Variants in VAV2 observed in about 807,000 individuals in gnomAD.
The protein encoded by VAV2 is guanine nucleotide exchange factor VAV2.
VAV2 carries 67 observed loss-of-function variants against 132.5 expected under a neutral mutation model. The observed-to-expected ratio is 0.51, with a 90% CI of 0.42 to 0.62. VAV2 has a LOEUF of 0.62. Among genes scored for constraint, VAV2 ranks in the 20% least tolerant of loss-of-function variants. The pLI is 0.00. For missense variants in VAV2, 938 were observed against 1,153.6 expected (o/e 0.81, Z 2.71); for synonymous variants, 492 against 443.5 (o/e 1.11, Z -1.37).
chr9:133,848,598 T>C (rs1837042680), intron 3 of VAV2, among the ~76,000 whole-genome samples: 1 of 152,278 alleles, frequency 6.6e-6, no homozygotes, highest in Non-Finnish European at 1.5e-5. Flanking sequence ...CCAGGGTTCC[T>C]TCCTCTCTTG....
intron 2 of VAV2, among the ~76,000 whole-genome samples, chr9:133,936,682 G>A (rs2810522): frequency 0.49 from 74,281 of 152,048 alleles, 18,249 homozygotes; most frequent in East Asian, 0.64. Context: ...AACACCTCCT[G>A]TGGACCTCAT....
intron 5 of VAV2, among the ~76,000 whole-genome samples, chr9:133,810,747 A>G (rs1269823576): frequency 1.3e-5 from 2 of 149,518 alleles, no homozygotes; most frequent in Non-Finnish European, 3.0e-5. Flanking sequence ...TGAGACCTTC[A>G]GAACCAGGGA....
chr9:133,770,843 G>A (rs1046500290), intron 26 of VAV2, among the ~76,000 whole-genome samples: 7 of 152,208 alleles, frequency 4.6e-5, no homozygotes, highest in Non-Finnish European at 7.3e-5. Context: ...AAGTGACAGA[G>A]AGCCATGCGG....
In VAV2 at chr9:133,861,421, C is replaced by T. The variant is rs550293191; in HGVS notation, c.333G>A (p.Ala111=). The T allele has an allele frequency of 1.7e-4, 270 of 1,613,298 alleles. No homozygotes were observed. Among genetic ancestry groups the T allele is most frequent in the Middle Eastern group, 4.9e-4 (3 of 6,062 alleles). ...TGCTGTGCAGGGAGAGCCTCGACAC[C>T]GCGGAGATGACCTGGGGGAGACAAG... is the stretch of plus-strand genomic sequence containing the variant. ...DVRDFGKVIS[A]VSRLSLHSIA... is the part of the protein sequence containing the mutation. Residue 111 remains alanine (A), a synonymous_variant, in exon 3 of 30, where the codon GCG becomes GCA. Transcript: ENST00000371850.
At chr9:133,938,307 C>T (rs1841000237) in intron 2 of VAV2, among the ~76,000 whole-genome samples, 1 of 152,226 alleles carries the variant, frequency 6.6e-6, no homozygotes, top group African/African-American at 2.4e-5. Flanking sequence ...GGCGTCCAGC[C>T]CCGAATCCAT....
chr9:133,796,358 CT>C (rs1834712583), intron 11 of VAV2, 70 bp downstream of exon 11: 6 of 1,384,270 alleles, frequency 4.3e-6, no homozygotes, highest in Non-Finnish European at 6.0e-6. Context: ...CCTATACCCC[CT>C]GGAAGCTGCC....
intron 4 of VAV2, among the ~76,000 whole-genome samples, chr9:133,821,973 C>T (rs1192112460): frequency 1.3e-5 from 2 of 152,132 alleles, no homozygotes; most frequent in African/African-American, 4.8e-5. Flanking sequence ...TATTTTTGTC[C>T]TCACAATAGC....
intron 1 of VAV2, among the ~76,000 whole-genome samples, chr9:133,959,547 C>T (rs866538457): frequency 6.6e-6 from 1 of 152,216 alleles, no homozygotes; most frequent in Admixed American, 6.5e-5. Flanking sequence ...GCACCAAGCA[C>T]CCCGTGACCG....
At chr9:133,906,425 C>A (rs994496506) in intron 2 of VAV2, among the ~76,000 whole-genome samples, 1 of 152,210 alleles carries the variant, frequency 6.6e-6, no homozygotes. Context: ...CGGGGAGCCG[C>A]CCCCGCCCTG....
At position 133,810,327 on chromosome 9, in the gene VAV2, A is replaced by T. The variant is rs1835312554; in HGVS notation, c.553-122T>A. On this transcript the variant is annotated intron_variant, in intron 5 of 29. Transcript: ENST00000371850. Reference sequence around the variant, plus strand: ...AACCAGCCAACAGACCCAAAGCCACATCACGGCCCCTCGTGCTGCCCAGCT... The same window carrying T: ...AACCAGCCAACAGACCCAAAGCCACTTCACGGCCCCTCGTGCTGCCCAGCT... 7.4e-6 allele frequency: 11 copies of T among 1,490,072 alleles called. No individual in the cohort carries two copies. In the South Asian group the frequency reaches 8.4e-5, roughly 11 times the overall value. The allele number at this position is 1,490,072 out of a possible 1,614,324, so 92.3% of individuals were successfully genotyped here.
chr9:133,933,048 A>AAG (rs1187826721), intron 2 of VAV2, among the ~76,000 whole-genome samples: 3 of 152,276 alleles, frequency 2.0e-5, no homozygotes, highest in Non-Finnish European at 4.4e-5. Flanking sequence ...AGTGAGGGCC[A>AAG]TGAGCAGGGA....
intron 2 of VAV2, among the ~76,000 whole-genome samples, chr9:133,873,281 A>C (rs958885410): frequency 4.6e-5 from 7 of 152,298 alleles, no homozygotes; most frequent in Non-Finnish European, 8.8e-5. Flanking sequence ...CAGAGCTGGG[A>C]TCAAGTCCTA....
At chr9:133,836,151 G>A (rs936895124) in intron 3 of VAV2, among the ~76,000 whole-genome samples, 18 of 152,156 alleles carry the variant, frequency 1.2e-4, no homozygotes, top group African/African-American at 2.7e-4. Flanking sequence ...GCCCCATGCC[G>A]ACACAGATCC....
At position 133,984,530 on chromosome 9, in the gene VAV2, T is replaced by G. The variant is rs146635747; in HGVS notation, c.204+7545A>C. Among the ~76,000 whole-genome samples the G allele has an allele frequency of 1.8e-4, 28 of 152,270 alleles. No individual in the cohort carries two copies. In the East Asian group the frequency reaches 5.4e-3, roughly 29 times the overall value. On this transcript the variant is annotated intron_variant, in intron 1 of 29. Transcript: ENST00000371850. ...TGGGAGGCTGTAGTGAAAGGATCCC[T>G]TGAGCCCAGGAGTTTAAGGCTGCAG...
chr9:133,926,063 A>C lies in VAV2; in HGVS notation c.321+13040T>G, dbSNP rs1840470193. The C allele has an allele frequency of 6.6e-6, 1 of 151,688 alleles. No homozygotes were observed. The highest frequency in any genetic ancestry group is 1.5e-5 in the Non-Finnish European group (1 of 67,962). The allele number at this position is 151,688 out of a possible 1,614,324, so 9.4% of individuals were successfully genotyped here. A position where few individuals can be genotyped will look rare whatever the true frequency, so the allele number is the denominator to read the frequency against. ...AGTTGCACCAGGACCAGCTAAGAAA[A>C]TGCAAGCTCTCAGCCAACGGGGTGG... On this transcript the variant is annotated intron_variant, in intron 2 of 29. Coordinates refer to ENST00000371850, the MANE Select transcript of VAV2 (RefSeq NM_001134398.2). The surrounding 1 kb of genome is among the most constrained non-coding windows in gnomAD (Gnocchi z 4.3).
rs2131746324 is a variant in VAV2 at position 133,826,026 on chromosome 9, T to C, written c.449+8246A>G. Among the ~76,000 whole-genome samples, 1 of 152,356 alleles carries C rather than the reference T, an allele frequency of 6.6e-6. No individual in the cohort carries two copies. Among genetic ancestry groups the C allele is most frequent in the Admixed American group, 6.5e-5 (1 of 15,308 alleles). On this transcript the variant is annotated intron_variant, in intron 4 of 29. Coordinates refer to ENST00000371850, the MANE Select transcript of VAV2 (RefSeq NM_001134398.2). The surrounding 1 kb of genome is among the most constrained non-coding windows in gnomAD (Gnocchi z 4.2). ...CGCGGATACATTACATTCCCTGCCG[T>C]GTCACGATCACATTTGTTTAAGCCT... is the stretch of plus-strand genomic sequence containing the variant.
chr9:133,854,110 T>TACCCCTTGCACCTGCACACACAC (rs534325438), intron 3 of VAV2, among the ~76,000 whole-genome samples: 4 of 119,452 alleles, frequency 3.3e-5, no homozygotes, highest in South Asian at 6.0e-4. Flanking sequence ...TGCACACACA[T>TACCCCTTGCACCTGCACACACAC]ACCCCTTGCA....
intron 1 of VAV2, among the ~76,000 whole-genome samples, chr9:133,964,895 T>G (rs1842095682): frequency 6.6e-6 from 1 of 152,220 alleles, no homozygotes; most frequent in Non-Finnish European, 1.5e-5. Context: ...GAAAGCTTTT[T>G]CTCTAAGAAC....
chr9:133,961,216 C>T lies in VAV2; in HGVS notation c.205-21997G>A, dbSNP rs555491025. The stretch of plus-strand genomic sequence containing the variant: ...CACTGCAGTCCAACAGAATAGTCAA[C>T]CTTTTGATCTCAGAGGAGTGTCCAT... On this transcript the variant is annotated intron_variant, in intron 1 of 29. Transcript: ENST00000371850. The surrounding 1 kb of genome is among the most constrained non-coding windows in gnomAD (Gnocchi z 4.1). Among the ~76,000 whole-genome samples the T allele has an allele frequency of 1.9e-4, 29 of 152,366 alleles. No homozygotes were observed. The highest frequency in any genetic ancestry group is 7.0e-4 in the African/African-American group (29 of 41,598).
Sources: allele counts gnomAD v4.1 joint callset (sites outside exome capture counted in the v4.1 genomes callset), GRCh38; gene constraint gnomAD v4.1.1; non-coding constraint Gnocchi (gnomAD v3.1); transcripts MANE v1.5; gene names NCBI Gene and HGNC (gene_info 2026-07-23, HGNC 2026-07-21).